The following GNG12 variants were observed in gnomAD, a reference collection of about 807,000 sequenced individuals.
The protein encoded by GNG12 is guanine nucleotide-binding protein G(I)/G(S)/G(O) subunit gamma-12.
For missense variants in GNG12, 69 were observed against 83.8 expected, an observed-to-expected ratio of 0.82 and a Z score of 0.69; for synonymous variants, 28 against 29.7, an observed-to-expected ratio of 0.94 and a Z score of 0.19.
chr1:67,819,653 C>CT (rs1242099988), intron 1 of GNG12, among the ~76,000 whole-genome samples: 2 of 152,096 alleles, frequency 1.3e-5, no homozygotes, highest in Non-Finnish European at 2.9e-5. Flanking sequence ...AATTCAGATT[C>CT]TTTATAATGG....
At chr1:67,791,967 G>A (rs1008053806) in intron 1 of GNG12, among the ~76,000 whole-genome samples, 1 of 152,164 alleles carries the variant, frequency 6.6e-6, no homozygotes, top group Non-Finnish European at 1.5e-5. Context: ...GCAATGCTCT[G>A]TCTTGGGGCC....
chr1:67,830,495 C>T (rs1647037194), intron 1 of GNG12, among the ~76,000 whole-genome samples: 2 of 152,138 alleles, frequency 1.3e-5, no homozygotes, highest in Admixed American at 1.3e-4. Flanking sequence ...AAGTAAATAA[C>T]CGGATACCCT....
At position 67,833,449 on chromosome 1, in the gene GNG12, G is replaced by T; in HGVS notation, c.-182C>A. On this transcript the variant is annotated 5_prime_UTR_variant, in exon 1 of 4. Coordinates refer to ENST00000370982, the MANE Select transcript of GNG12 (RefSeq NM_018841.6). The stretch of plus-strand genomic sequence containing the variant: ...CCTCCTCCTCCTCTTGCTCCTCCGG[G>T]CGCCGGCTCCGCCTCGCTGGGGTGG... 1 of 985,294 alleles carries T rather than the reference G, an allele frequency of 1.0e-6. No homozygotes were observed. Among genetic ancestry groups the T allele is most frequent in the Non-Finnish European group, 1.2e-6 (1 of 830,144 alleles). The allele number at this position is 985,294 out of a possible 1,614,324, so 61.0% of individuals were successfully genotyped here.
At chr1:67,732,579 C>T (rs1043369043) in intron 2 of GNG12, among the ~76,000 whole-genome samples, 3 of 152,240 alleles carry the variant, frequency 2.0e-5, no homozygotes, top group African/African-American at 7.2e-5. Flanking sequence ...TGGCAGGTCC[C>T]ATAGCTCACT....
chr1:67,825,902 G>A (rs1313953152), intron 1 of GNG12, among the ~76,000 whole-genome samples: 1 of 152,178 alleles, frequency 6.6e-6, no homozygotes, highest in Non-Finnish European at 1.5e-5. Context: ...CACCCAAAGT[G>A]CTGGTCTTTA....
At chr1:67,716,658 T>C (rs1374344388) in intron 2 of GNG12, among the ~76,000 whole-genome samples, 1 of 152,102 alleles carries the variant, frequency 6.6e-6, no homozygotes, top group East Asian at 1.9e-4. Context: ...ACAGCAAGAA[T>C]ACAAGGAAGG....
chr1:67,725,681 T>C (rs535302233), intron 2 of GNG12, among the ~76,000 whole-genome samples: 1 of 152,140 alleles, frequency 6.6e-6, no homozygotes, highest in Non-Finnish European at 1.5e-5. Flanking sequence ...GGGACAGAAA[T>C]CAAAGCAAGC....
intron 1 of GNG12, among the ~76,000 whole-genome samples, chr1:67,829,092 T>C (rs1647027556): frequency 6.6e-6 from 1 of 152,198 alleles, no homozygotes; most frequent in Admixed American, 6.5e-5. Context: ...AGGCGCATTG[T>C]GGAAAATAGG....
At chr1:67,782,155 C>T (rs1211404716) in intron 1 of GNG12, among the ~76,000 whole-genome samples, 2 of 152,146 alleles carry the variant, frequency 1.3e-5, no homozygotes, top group Non-Finnish European at 2.9e-5. Context: ...AAGGACACTA[C>T]TGTAGGGATA....
At chr1:67,771,643 A>C (rs146119958) in intron 2 of GNG12, among the ~76,000 whole-genome samples, 1,700 of 152,284 alleles carry the variant, frequency 0.011, 17 homozygotes, top group Non-Finnish European at 0.018. Context: ...TTATGATGCT[A>C]TCATCTGTGG....
chr1:67,768,659 T>G (rs946403094), intron 2 of GNG12, among the ~76,000 whole-genome samples: 3 of 152,214 alleles, frequency 2.0e-5, no homozygotes, highest in African/African-American at 7.2e-5. Flanking sequence ...GCAAATGATA[T>G]GATGCCCATT....
In GNG12 at chr1:67,703,506, A is replaced by C. The variant is rs538723431; in HGVS notation, c.*1945T>G. On this transcript the variant is annotated 3_prime_UTR_variant, in exon 4 of 4. Transcript: ENST00000370982. ...AAACTGAGTAGAAAAATAGACTTAT[A>C]AAAAAAAGAATGTCTCATTAAGTGA... 6.6e-6 allele frequency: 1 copy of C among 152,138 alleles called. No homozygotes were observed. The highest frequency in any genetic ancestry group is 1.5e-5 in the Non-Finnish European group (1 of 68,022). 9.4% of individuals were successfully genotyped at this position (152,138 alleles called of 1,614,324 possible).
Position 67,799,962 on chromosome 1 carries a change from C to T in GNG12, c.-76-22455G>A, listed in dbSNP as rs570071751. Among the ~76,000 whole-genome samples the T allele has an allele frequency of 3.9e-5, 6 of 152,156 alleles. No homozygotes were observed. In the East Asian group the frequency reaches 5.8e-4, roughly 15 times the overall value. On this transcript the variant is annotated intron_variant, in intron 1 of 3. Coordinates refer to ENST00000370982, the MANE Select transcript of GNG12 (RefSeq NM_018841.6). Reference sequence around the variant, plus strand: ...TAGTTTTAGTGTATGAAGAGTCTGGCCTCACACAGATACAGATGAAAAGTC... The same window carrying T: ...TAGTTTTAGTGTATGAAGAGTCTGGTCTCACACAGATACAGATGAAAAGTC...
At chr1:67,762,325 C>G (rs981188493) in intron 2 of GNG12, among the ~76,000 whole-genome samples, 7 of 152,198 alleles carry the variant, frequency 4.6e-5, no homozygotes, top group Non-Finnish European at 4.4e-5. Context: ...ACCATCCTTA[C>G]GTACTCAGTA....
rs17130303 is a variant in GNG12 at position 67,797,501 on chromosome 1, T to C, written c.-76-19994A>G. ...GCACAAAACCATAAATTAAATCACCTGTGAAAGCCAAACAACTCAAGTATG... is the reference window on the plus strand; with the variant it reads ...GCACAAAACCATAAATTAAATCACCCGTGAAAGCCAAACAACTCAAGTATG... On this transcript the variant is annotated intron_variant, in intron 1 of 3. Coordinates refer to ENST00000370982, the MANE Select transcript of GNG12 (RefSeq NM_018841.6). Among the ~76,000 whole-genome samples the C allele has an allele frequency of 3.2e-3, 494 of 152,258 alleles. 2 individuals are homozygous for C. Among genetic ancestry groups the C allele is most frequent in the African/African-American group, 0.011 (474 of 41,530 alleles).
chr1:67,755,096 C>A (rs1000523632), intron 2 of GNG12, among the ~76,000 whole-genome samples: 1 of 152,242 alleles, frequency 6.6e-6, no homozygotes, highest in African/African-American at 2.4e-5. Context: ...AGTTCTTTAT[C>A]TGTCCGCCTT....
intron 2 of GNG12, among the ~76,000 whole-genome samples, chr1:67,773,363 C>A (rs544557617): frequency 6.6e-6 from 1 of 152,194 alleles, no homozygotes; most frequent in African/African-American, 2.4e-5. Flanking sequence ...CTTGATCCTG[C>A]ACTCCTGCTC....
intron 1 of GNG12, among the ~76,000 whole-genome samples, chr1:67,786,941 G>A (rs3982261): frequency 0.15 from 3,806 of 25,064 alleles, 84 homozygotes; most frequent in East Asian, 0.37. Flanking sequence ...ATATATGTGT[G>A]TGTGTGTGTG....
intron 2 of GNG12, among the ~76,000 whole-genome samples, chr1:67,733,943 G>C (rs900640935): frequency 6.6e-6 from 1 of 152,180 alleles, no homozygotes; most frequent in African/African-American, 2.4e-5. Context: ...TGGGGCAGTG[G>C]CAAGTTCAGT....
Sources: gnomAD v4.1 joint callset for allele counts (sites outside exome capture counted in the v4.1 genomes callset) on GRCh38, gnomAD v4.1.1 for gene constraint, MANE v1.5 for transcripts, NCBI Gene and HGNC (gene_info 2026-07-23, HGNC 2026-07-21) for gene names.